CNMD: variants seen among roughly 807,000 people sequenced by gnomAD.
CNMD encodes chondromodulin, also known as leukocyte cell-derived chemotaxin 1.
A neutral mutation model predicts 37.5 loss-of-function variants in CNMD; 30 were observed. The observed-to-expected ratio is 0.80, with a 90% CI of 0.60 to 1.09. CNMD has a LOEUF of 1.09. Ranked by LOEUF, CNMD falls within the 50% of genes least tolerant of loss-of-function variation. The pLI is 0.00. For missense variants in CNMD, 398 were observed against 423.9 expected, an observed-to-expected ratio of 0.94 and a Z score of 0.54; for synonymous variants, 167 against 148.2, an observed-to-expected ratio of 1.13 and a Z score of -0.92.
intron 5 of CNMD, among the ~76,000 whole-genome samples, chr13:52,712,182 C>G (rs959703887): frequency 2.0e-5 from 2 of 101,808 alleles, no homozygotes; most frequent in African/African-American, 8.2e-5. Flanking sequence ...AAGATATGCT[C>G]CAGCCTAGCT....
chr13:52,703,637 C>T lies in CNMD; in HGVS notation c.963G>A (p.Met321Ile), dbSNP rs777466607. The change falls in exon 7 of 7, where the codon ATG becomes ATA. Residue 321 changes from methionine (M) to isoleucine (I), a missense_variant. Met to Ile is a conservative substitution (Grantham distance 10, BLOSUM62 1). Coordinates refer to ENST00000377962, the MANE Select transcript of CNMD (RefSeq NM_007015.3). ...QGCRSACRVIMPCSWWVARIL... is the reference protein window; with the variant it reads ...QGCRSACRVIIPCSWWVARIL... ...TACGGGCCACCCACCAGCTACATGG[C>T]ATGATGACTCTGCAGGCCGAACGGC... is the stretch of plus-strand genomic sequence containing the variant. 6.2e-7 allele frequency: 1 copy of T among 1,613,896 alleles called. No individual in the cohort carries two copies. Among genetic ancestry groups the T allele is most frequent in the Admixed American group, 1.7e-5 (1 of 60,020 alleles).
intron 4 of CNMD, among the ~76,000 whole-genome samples, chr13:52,715,222 C>T (rs1316485205): frequency 6.6e-6 from 1 of 152,032 alleles, no homozygotes; most frequent in East Asian, 1.9e-4. Flanking sequence ...AATACTAGGT[C>T]TTATTTAGTT....
intron 4 of CNMD, among the ~76,000 whole-genome samples, chr13:52,716,446 T>C (rs1398481702): frequency 6.6e-6 from 1 of 152,230 alleles, no homozygotes; most frequent in African/African-American, 2.4e-5. Context: ...TGAATGGTAT[T>C]GCCTAGGTTT....
intron 4 of CNMD, among the ~76,000 whole-genome samples, chr13:52,718,536 A>C (rs556920843): frequency 2.6e-5 from 4 of 152,194 alleles, no homozygotes; most frequent in African/African-American, 7.2e-5. Flanking sequence ...ATTCTGGTAC[A>C]TTGTGTTTTT....
At position 52,733,353 on chromosome 13, in the gene CNMD, T is replaced by C. The variant is rs1406644936; in HGVS notation, c.220A>G (p.Asn74Asp). The change falls in exon 3 of 7, where the codon AAT (asparagine) becomes GAT (aspartate). Residue 74 changes from asparagine to aspartate, a missense_variant. By Grantham distance (23) the Asn-to-Asp change is conservative. Coordinates refer to ENST00000377962, the MANE Select transcript of CNMD (RefSeq NM_007015.3). ...TTGATACTCATGGTGTAATGGACAT[T>C]GTAAATCTGAAAGTGAGCATAAGAG... ...FWKGSDSHIYNVHYTMSINGK... is the reference protein window; with the variant it reads ...FWKGSDSHIYDVHYTMSINGK... 2.5e-6 allele frequency: 4 copies of C among 1,614,016 alleles called. No homozygotes were observed. The South Asian group carries it at 4.4e-5, about 18-fold the overall frequency.
At chr13:52,733,466 TGA>T in intron 2 of CNMD, 107 bp from the exon 3 acceptor site, 1 of 928,776 alleles carries the variant, frequency 1.1e-6, no homozygotes, top group Non-Finnish European at 1.8e-6. Context: ...CAGAGATACA[TGA>T]GATAGTCCTT....
In CNMD at chr13:52,712,803, C is replaced by G; in HGVS notation, c.535G>C (p.Val179Leu). 1 of 1,596,142 alleles carries G rather than the reference C, an allele frequency of 6.3e-7. No individual in the cohort carries two copies. The highest frequency in any genetic ancestry group is 1.2e-5 in the South Asian group (1 of 86,246). The change falls in exon 5 of 7, where the codon GTG becomes CTG. Residue 179 changes from valine to leucine, a missense_variant. Val to Leu is a conservative substitution (Grantham distance 32). Coordinates refer to ENST00000377962, the MANE Select transcript of CNMD (RefSeq NM_007015.3). ...GAACTCAAGAAGCTGTTGTCCTTCA[C>G]AGGCTGATCTACAGCCACCCAGATA... ...SLIWVAVDQP[V>L]KDNSFLSSKV...
chr13:52,730,357 C>T (rs1182981716), intron 3 of CNMD, among the ~76,000 whole-genome samples: 1 of 152,062 alleles, frequency 6.6e-6, no homozygotes, highest in Non-Finnish European at 1.5e-5. Context: ...ATGGCTGGGT[C>T]AAATGGTATT....
At chr13:52,722,530 C>T (rs1964501214) in intron 4 of CNMD, among the ~76,000 whole-genome samples, 1 of 152,104 alleles carries the variant, frequency 6.6e-6, no homozygotes, top group Non-Finnish European at 1.5e-5. Flanking sequence ...TGCATACCCC[C>T]AGCTTACAGA....
chr13:52,733,239 C>G lies in CNMD; in HGVS notation c.334G>C (p.Ala112Pro), dbSNP rs1033686879. The change falls in exon 3 of 7, where the codon GCA becomes CCA. Residue 112 changes from alanine to proline, a missense_variant. Coordinates refer to ENST00000377962, the MANE Select transcript of CNMD (RefSeq NM_007015.3). ...CTTACATTCTGGAAATCATTAACTG[C>G]AATTGCTTCTTCAGCTCCACTTCCC... ...KMGSGAEEAI[A>P]VNDFQNGITG... 6.2e-7 allele frequency: 1 copy of G among 1,614,024 alleles called. No individual in the cohort carries two copies. Among genetic ancestry groups the G allele is most frequent in the Non-Finnish European group, 8.5e-7 (1 of 1,179,986 alleles).
At position 52,703,552 on chromosome 13, in the gene CNMD, T is replaced by TGG. The variant is rs1566214582; in HGVS notation, c.*42_*43insCC. On this transcript the variant is annotated 3_prime_UTR_variant, in exon 7 of 7. Coordinates refer to ENST00000377962, the MANE Select transcript of CNMD (RefSeq NM_007015.3). Reference sequence around the variant, plus strand: ...CCTTAATGCTTCTTTGGTTGTCTCTTCAGCTAGTTCTTATTTTACAGCACA... The same window carrying TGG: ...CCTTAATGCTTCTTTGGTTGTCTCTTGGCAGCTAGTTCTTATTTTACAGCACA... The TGG allele has an allele frequency of 4.3e-6, 6 of 1,394,988 alleles. No individual in the cohort carries two copies. Among genetic ancestry groups the TGG allele is most frequent in the Non-Finnish European group, 6.1e-6 (6 of 986,770 alleles). 86.4% of individuals were successfully genotyped at this position (1,394,988 alleles called of 1,614,324 possible).
rs1404218327 is a variant in CNMD at position 52,708,623 on chromosome 13, G to A, written c.702C>T (p.Ser234=). 1 of 1,613,794 alleles carries A rather than the reference G, an allele frequency of 6.2e-7. No homozygotes were observed. Among genetic ancestry groups the A allele is most frequent in the African/African-American group, 1.3e-5 (1 of 74,928 alleles). The change falls in exon 6 of 7, where the codon AGC becomes AGT. Residue 234 remains serine (S), a synonymous_variant. Transcript: ENST00000377962. ...TTKRPHSGPR[S]NPGAGRLNNE... ...TATTCAGTCTTCCAGCGCCTGGGTT[G>A]CTCCGTGGTCCACTGTGTGGTCTTT...
intron 4 of CNMD, among the ~76,000 whole-genome samples, chr13:52,720,154 T>C (rs1456896079): frequency 6.6e-6 from 1 of 152,234 alleles, no homozygotes; most frequent in Non-Finnish European, 1.5e-5. Context: ...GTTCACGAAG[T>C]TCTCGTGCTG....
chr13:52,708,571 CCTCTTGAACA>C lies in CNMD; in HGVS notation c.744_753del (p.Ser248ArgfsTer20). 6.2e-7 allele frequency: 1 copy of C among 1,613,656 alleles called. No homozygotes were observed. The highest frequency in any genetic ancestry group is 8.5e-7 in the Non-Finnish European group (1 of 1,179,856). ...TTATCAGGATTGAAGGCTTGTGAGT[CCTCTTGAACA>C]CTGGGTCTGGTTTCATTATTCAGTC... On this transcript the variant is annotated frameshift_variant, in exon 6 of 7. Transcript: ENST00000377962. LOFTEE classifies it high-confidence loss of function.
At chr13:52,735,660 T>G (rs1964745148) in intron 2 of CNMD, among the ~76,000 whole-genome samples, 1 of 148,006 alleles carries the variant, frequency 6.8e-6, no homozygotes, top group Admixed American at 6.9e-5. Context: ...TAACGATAGC[T>G]GATGAATTTT....
chr13:52,738,789 C>A (rs1007110767), intron 2 of CNMD, among the ~76,000 whole-genome samples: 2 of 152,170 alleles, frequency 1.3e-5, no homozygotes, highest in African/African-American at 2.4e-5. Flanking sequence ...TTTCTCGGAC[C>A]GTCCACTACA....
intron 6 of CNMD, among the ~76,000 whole-genome samples, chr13:52,705,656 G>T (rs1052342543): frequency 6.6e-6 from 1 of 152,112 alleles, no homozygotes; most frequent in Non-Finnish European, 1.5e-5. Context: ...CCTAAGATAT[G>T]TTTTTTAAAG....
rs369328530 is a variant in CNMD, at chr13:52,724,060, C to A, written c.405G>T (p.Ala135=). The change falls in exon 4 of 7, where the codon GCG becomes GCT. Residue 135 remains alanine (A), a synonymous_variant. Coordinates refer to ENST00000377962, the MANE Select transcript of CNMD (RefSeq NM_007015.3). Reference sequence around the variant, plus strand: ...CCTCAGGAATACGAGCCTTCACTTGCGCTTTAATGTAGCACTTCTCTCCTC... The same window carrying A: ...CCTCAGGAATACGAGCCTTCACTTGAGCTTTAATGTAGCACTTCTCTCCTC... The part of the protein sequence containing the change: ...FAGGEKCYIK[A]QVKARIPEVG... 6.2e-7 allele frequency: 1 copy of A among 1,614,072 alleles called. No individual in the cohort carries two copies. The highest frequency in any genetic ancestry group is 1.1e-5 in the South Asian group (1 of 91,078).
chr13:52,738,243 C>T (rs1274643224), intron 2 of CNMD, among the ~76,000 whole-genome samples: 1 of 152,208 alleles, frequency 6.6e-6, no homozygotes, highest in Non-Finnish European at 1.5e-5. Flanking sequence ...AAAATGCCCC[C>T]TTTTACATAG....
Sources: allele counts gnomAD v4.1 joint callset (sites outside exome capture counted in the v4.1 genomes callset), GRCh38; gene constraint gnomAD v4.1.1; transcripts MANE v1.5; gene names NCBI Gene and HGNC (gene_info 2026-07-23, HGNC 2026-07-21).